Variants in PIK3R1 observed in about 807,000 individuals in gnomAD.
The protein encoded by PIK3R1 is phosphoinositide-3-kinase regulatory subunit 1.
In PIK3R1, 29 loss-of-function variants were observed where a neutral mutation model predicts 98.0. That is an observed-to-expected ratio of 0.30 (90% confidence interval 0.22 to 0.40). The LOEUF is 0.40. PIK3R1 is among the 10% of genes least tolerant of loss of function. The probability of loss-of-function intolerance (pLI) is 1.00; values close to 1 mark genes in which losing one functional copy is unlikely to be tolerated. For missense variants in PIK3R1, 596 were observed against 872.7 expected (o/e 0.68, Z 3.99); for synonymous variants, 282 against 311.8 (o/e 0.90, Z 1.01).
In PIK3R1 at chr5:68,300,237, A is replaced by G. The variant is rs1033382110; in HGVS notation, c.*2636A>G. On this transcript the variant is annotated 3_prime_UTR_variant, in exon 16 of 16. Coordinates refer to ENST00000521381, the MANE Select transcript of PIK3R1 (RefSeq NM_181523.3). ...AGCAAAGTAGGATTCATCATTCCAT[A>G]TGACTTGAGTTACACCAGACCTGTT... 1 of 233,130 alleles carries G rather than the reference A, an allele frequency of 4.3e-6. No individual in the cohort carries two copies. Among genetic ancestry groups the G allele is most frequent in the East Asian group, 6.0e-5 (1 of 16,552 alleles). 14.4% of individuals were successfully genotyped at this position (233,130 alleles called of 1,614,324 possible).
Position 68,297,397 on chromosome 5 carries a change from T to A in PIK3R1, c.1986-15T>A. On this transcript the variant is annotated splice_polypyrimidine_tract_variant and intron_variant, in intron 15 of 15. Transcript: ENST00000521381. ...GGACAAGCTCAAAAGACAGTTTTTC[T>A]TCTCTCCTCTCTAGGGTGGACGGCG... The A allele has an allele frequency of 3.1e-6, 5 of 1,599,542 alleles. No homozygotes were observed. Among genetic ancestry groups the A allele is most frequent in the Non-Finnish European group, 4.3e-6 (5 of 1,172,530 alleles).
intron 2 of PIK3R1, among the ~76,000 whole-genome samples, chr5:68,231,482 A>G (rs895998640): frequency 2.6e-5 from 4 of 152,252 alleles, no homozygotes; most frequent in Non-Finnish European, 4.4e-5. Context: ...TGGTTTCCCA[A>G]GGCATGTTAT....
chr5:68,236,253 T>C (rs1744664154), intron 2 of PIK3R1, among the ~76,000 whole-genome samples: 2 of 150,984 alleles, frequency 1.3e-5, no homozygotes, highest in African/African-American at 4.9e-5. Context: ...TTTTTGTTTG[T>C]TTGTTTGTTT....
chr5:68,224,286 T>G (rs1028056901), intron 1 of PIK3R1, among the ~76,000 whole-genome samples: 1 of 152,240 alleles, frequency 6.6e-6, no homozygotes, highest in Non-Finnish European at 1.5e-5. Flanking sequence ...GAATATTCAA[T>G]TTGATTCTGG....
At position 68,279,602 on chromosome 5, in the gene PIK3R1, A is replaced by C. The variant is rs748631334; in HGVS notation, c.503A>C (p.Asp168Ala). ...AAATATTTCTTAAATTGTTTCCTAG[A>C]TACACCCTCCGTGGACTTGGAAATG... ...LAELRQLLDC[D>A]TPSVDLEMID... The change falls in exon 5 of 16, where the codon GAT becomes GCT. Residue 168 changes from aspartate to alanine, a missense_variant and splice_region_variant. By Grantham distance (126) the Asp-to-Ala change is moderately radical (BLOSUM62 -2). Around this residue, in one of 3 missense-constraint regions of PIK3R1, gnomAD observed 352 missense variants for 393.3 expected, o/e 0.90. Coordinates refer to ENST00000521381, the MANE Select transcript of PIK3R1 (RefSeq NM_181523.3). 1 of 1,612,616 alleles carries C rather than the reference A, an allele frequency of 6.2e-7. No homozygotes were observed. The highest frequency in any genetic ancestry group is 1.1e-5 in the South Asian group (1 of 90,958).
At chr5:68,232,946 A>T (rs1156662568) in intron 2 of PIK3R1, among the ~76,000 whole-genome samples, 1 of 152,224 alleles carries the variant, frequency 6.6e-6, no homozygotes, top group Non-Finnish European at 1.5e-5. Context: ...ATAAATATGG[A>T]ACTCTCTATT....
chr5:68,232,442 A>G (rs1744514886), intron 2 of PIK3R1, among the ~76,000 whole-genome samples: 1 of 152,170 alleles, frequency 6.6e-6, no homozygotes, highest in African/African-American at 2.4e-5. Flanking sequence ...TGGCCACTTT[A>G]GGAATTCACA....
chr5:68,224,343 T>C (rs1290999464), intron 1 of PIK3R1, among the ~76,000 whole-genome samples: 1 of 152,242 alleles, frequency 6.6e-6, no homozygotes, highest in Non-Finnish European at 1.5e-5. Context: ...TATAGCTTAT[T>C]TTTCTGATAT....
intron 7 of PIK3R1, 148 bp from the exon 8 acceptor site, chr5:68,292,111 A>G (rs1747425931): frequency 1.1e-5 from 5 of 454,338 alleles, no homozygotes. Context: ...TAAGAAAATT[A>G]TCTTCCATAT....
intron 7 of PIK3R1, chr5:68,288,503 G>A (rs1747184534): frequency 1.2e-5 from 16 of 1,314,582 alleles, no homozygotes; most frequent in African/African-American, 1.6e-5. Context: ...CGGGGCGTGG[G>A]GCGGAGGGAC....
chr5:68,232,003 T>C (rs1744496809), intron 2 of PIK3R1, among the ~76,000 whole-genome samples: 1 of 152,198 alleles, frequency 6.6e-6, no homozygotes, highest in Non-Finnish European at 1.5e-5. Flanking sequence ...CAGGACATTA[T>C]GGAGATTTTT....
intron 2 of PIK3R1, among the ~76,000 whole-genome samples, chr5:68,266,015 TTCTC>T (rs955804064): frequency 3.9e-5 from 6 of 152,170 alleles, no homozygotes; most frequent in African/African-American, 1.4e-4. Flanking sequence ...TTTTGGCAGT[TTCTC>T]TCTCTCTACC....
At chr5:68,273,138 C>G (rs1298884275) in intron 2 of PIK3R1, among the ~76,000 whole-genome samples, 1 of 152,014 alleles carries the variant, frequency 6.6e-6, no homozygotes, top group Non-Finnish European at 1.5e-5. Flanking sequence ...GGGGGTTTGT[C>G]CTGGGGAGGG....
rs1396583890 is a variant in PIK3R1, at chr5:68,299,766, A to G, written c.*2165A>G. On this transcript the variant is annotated 3_prime_UTR_variant, in exon 16 of 16. Transcript: ENST00000521381. ...TGCAGCTGAGTGAAAAATCTGTGGA[A>G]TGTATTATTTGTCCTCTTTACATGA... 4.3e-6 allele frequency: 1 copy of G among 233,084 alleles called. No homozygotes were observed. The highest frequency in any genetic ancestry group is 6.0e-5 in the East Asian group (1 of 16,566). The allele number at this position is 233,084 out of a possible 1,614,324, so 14.4% of individuals were successfully genotyped here. A position where few individuals can be genotyped will look rare whatever the true frequency, so the allele number is the denominator to read the frequency against.
At chr5:68,236,476 C>T (rs1011960886) in intron 2 of PIK3R1, among the ~76,000 whole-genome samples, 9 of 150,396 alleles carry the variant, frequency 6.0e-5, no homozygotes, top group Non-Finnish European at 1.3e-4. Flanking sequence ...GTCTCGATCT[C>T]TTGACCTTGT....
chr5:68,269,520 A>G (rs1308999525), intron 2 of PIK3R1, among the ~76,000 whole-genome samples: 1 of 152,108 alleles, frequency 6.6e-6, no homozygotes, highest in African/African-American at 2.4e-5. Flanking sequence ...ACTTTGTAAC[A>G]TGGTGCTTTA....
intron 1 of PIK3R1, among the ~76,000 whole-genome samples, chr5:68,225,807 A>G (rs1744250751): frequency 6.6e-6 from 1 of 152,180 alleles, no homozygotes; most frequent in South Asian, 2.1e-4. Flanking sequence ...TCTAACCCCA[A>G]TCCCACTGCT....
chr5:68,227,112 T>A, intron 2 of PIK3R1, 103 bp downstream of exon 2: 1 of 955,712 alleles, frequency 1.0e-6, no homozygotes, highest in Non-Finnish European at 1.6e-6. Context: ...AGAAGTTACC[T>A]TGGCAACTGC....
chr5:68,291,553 T>C (rs1305244136), intron 7 of PIK3R1: 1 of 152,262 alleles, frequency 6.6e-6, no homozygotes, highest in Non-Finnish European at 1.5e-5. Flanking sequence ...CAGTCTTTTA[T>C]TTGTCACCAA....
Sources: gnomAD v4.1 joint callset for allele counts (sites outside exome capture counted in the v4.1 genomes callset) on GRCh38, gnomAD v4.1.1 for gene constraint, gnomAD v4.1.1 regional missense constraint, MANE v1.5 for transcripts, NCBI Gene and HGNC (gene_info 2026-07-23, HGNC 2026-07-21) for gene names.